The following SORCS2 variants were observed in gnomAD, a reference collection of about 807,000 sequenced individuals.
SORCS2 encodes the protein sortilin related VPS10 domain containing receptor 2, also known as VPS10 domain-containing receptor SorCS2.
A neutral mutation model predicts 141.6 loss-of-function variants in SORCS2; 100 were observed. The observed-to-expected ratio is 0.71, with a 90% CI of 0.60 to 0.83. The LOEUF is 0.83. Among genes scored for constraint, SORCS2 ranks in the 40% least tolerant of loss-of-function variants. SORCS2 has a pLI of 0.00. For missense variants in SORCS2, 1,646 were observed against 1,560.2 expected (o/e 1.05, Z -0.93); for synonymous variants, 789 against 676.9 (o/e 1.17, Z -2.57).
chr4:7,620,898 C>T (rs73794314), intron 3 of SORCS2, among the ~76,000 whole-genome samples: 5,583 of 152,228 alleles, frequency 0.037, 311 homozygotes, highest in African/African-American at 0.13. Context: ...TCCTCGGCCA[C>T]GAGGTCAGCC....
chr4:7,724,088 G>A (rs1166894198), intron 19 of SORCS2, among the ~76,000 whole-genome samples: 1 of 152,048 alleles, frequency 6.6e-6, no homozygotes. Context: ...CTGGTAGCTG[G>A]TGGTGATATT....
At chr4:7,594,521 A>G (rs1228386204) in intron 3 of SORCS2, among the ~76,000 whole-genome samples, 1 of 152,156 alleles carries the variant, frequency 6.6e-6, no homozygotes, top group Non-Finnish European at 1.5e-5. Context: ...TGGGTGTGAG[A>G]TCAGAGATTC....
In SORCS2 at chr4:7,233,895, C is replaced by T. The variant is rs955400491; in HGVS notation, c.480+40769C>T. On this transcript the variant is annotated intron_variant, in intron 1 of 26. Coordinates refer to ENST00000507866, the MANE Select transcript of SORCS2 (RefSeq NM_020777.3). This position sits in a 1 kb window ranked among gnomAD's most constrained non-coding sequence, Gnocchi z 4.5. ...ACACTGTCCTGTCCGCTATCCCATC[C>T]CCTTCTCTGGTCTCAGTTTCCGCAT... 6.6e-6 allele frequency among the ~76,000 whole-genome samples: 1 copy of T among 152,204 alleles called. No individual in the cohort carries two copies. Among genetic ancestry groups the T allele is most frequent in the Non-Finnish European group, 1.5e-5 (1 of 68,044 alleles).
chr4:7,649,358 G>T (rs568443119), intron 4 of SORCS2, among the ~76,000 whole-genome samples: 1 of 151,542 alleles, frequency 6.6e-6, no homozygotes, highest in Admixed American at 6.6e-5. Context: ...ATGGTATCGG[G>T]GGGGCTGTGT....
intron 2 of SORCS2, among the ~76,000 whole-genome samples, chr4:7,508,989 C>T (rs748495979): frequency 1.4e-4 from 21 of 152,318 alleles, no homozygotes; most frequent in Admixed American, 3.3e-4. Flanking sequence ...GTGAACCTCG[C>T]GGAGACTGGG....
intron 12 of SORCS2, 124 bp downstream of exon 12, chr4:7,697,398 C>A: frequency 1.2e-6 from 1 of 846,348 alleles, no homozygotes; most frequent in Non-Finnish European, 1.8e-6. Context: ...AGCCATGTCT[C>A]CCATCTTGCA....
At position 7,247,728 on chromosome 4, in the gene SORCS2, G is replaced by A. The variant is rs911397241; in HGVS notation, c.480+54602G>A. Among the ~76,000 whole-genome samples the A allele has an allele frequency of 3.3e-5, 5 of 152,330 alleles. No homozygotes were observed. The South Asian group carries it at 8.3e-4, about 25-fold the overall frequency. ...GCCTGGGGGACCTGGCGACCCTGGCGAGGGGCCTGCTTCTTTGCTGAGCCC... is the reference window on the plus strand; with the variant it reads ...GCCTGGGGGACCTGGCGACCCTGGCAAGGGGCCTGCTTCTTTGCTGAGCCC... On this transcript the variant is annotated intron_variant, in intron 1 of 26. Transcript: ENST00000507866.
At chr4:7,293,375 T>C (rs1227239932) in intron 1 of SORCS2, among the ~76,000 whole-genome samples, 2 of 152,126 alleles carry the variant, frequency 1.3e-5, no homozygotes, top group Non-Finnish European at 2.9e-5. Context: ...GACTTCTCTC[T>C]TGGCTTCTGT....
At chr4:7,710,760 T>C (rs10019166) in intron 14 of SORCS2, among the ~76,000 whole-genome samples, 78,542 of 152,100 alleles carry the variant, frequency 0.52, 20,300 homozygotes, top group African/African-American at 0.53. Flanking sequence ...GGAAACAGTG[T>C]CTGCAGAAGC....
intron 2 of SORCS2, among the ~76,000 whole-genome samples, chr4:7,409,932 A>G (rs1725196154): frequency 1.3e-5 from 2 of 152,104 alleles, no homozygotes; most frequent in South Asian, 2.1e-4. Context: ...TCTGTCTTTT[A>G]ATGTATAGAA....
chr4:7,549,774 G>A (rs1577733245), intron 3 of SORCS2, among the ~76,000 whole-genome samples: 2 of 152,130 alleles, frequency 1.3e-5, no homozygotes, highest in Non-Finnish European at 2.9e-5. Flanking sequence ...GAATGAGTTC[G>A]AACCCCTTGG....
intron 26 of SORCS2, among the ~76,000 whole-genome samples, chr4:7,739,020 G>A (rs183223503): frequency 2.5e-3 from 378 of 152,300 alleles, no homozygotes; most frequent in Non-Finnish European, 3.5e-3. Flanking sequence ...TTCACGGAGC[G>A]CTCGCTCTGT....
At chr4:7,530,915 T>C (rs1711584766) in intron 2 of SORCS2, among the ~76,000 whole-genome samples, 1 of 152,108 alleles carries the variant, frequency 6.6e-6, no homozygotes, top group African/African-American at 2.4e-5. Flanking sequence ...GCGGGCATAG[T>C]GCTTGGGGTC....
intron 1 of SORCS2, among the ~76,000 whole-genome samples, chr4:7,305,304 C>T (rs377227255): frequency 1.0e-3 from 157 of 151,924 alleles, no homozygotes; most frequent in Middle Eastern, 3.4e-3. Context: ...GTGCTGGGAT[C>T]ACAGGCGTGA....
chr4:7,512,278 T>G (rs1006431978), intron 2 of SORCS2, among the ~76,000 whole-genome samples: 3 of 148,976 alleles, frequency 2.0e-5, no homozygotes, highest in African/African-American at 7.4e-5. Flanking sequence ...AGGGCCAGGC[T>G]CATAATAGCT....
intron 23 of SORCS2, among the ~76,000 whole-genome samples, chr4:7,730,544 T>C (rs1027529060): frequency 6.6e-6 from 1 of 152,198 alleles, no homozygotes; most frequent in Admixed American, 6.5e-5. Context: ...AATGGAATAT[T>C]CTTTGACCAC....
At chr4:7,392,905 G>A (rs35676666) in intron 1 of SORCS2, among the ~76,000 whole-genome samples, 10 of 137,816 alleles carry the variant, frequency 7.3e-5, no homozygotes, top group South Asian at 2.5e-4. Flanking sequence ...AGTCGGGGGG[G>A]GGGGGGTGCT....
At chr4:7,702,314 G>GC (rs1221669191) in intron 12 of SORCS2, among the ~76,000 whole-genome samples, 3 of 152,236 alleles carry the variant, frequency 2.0e-5, no homozygotes, top group African/African-American at 7.2e-5. Flanking sequence ...AGATGGCTGT[G>GC]CCCTTACTGG....
At chr4:7,631,433 T>C (rs1215055482) in intron 3 of SORCS2, among the ~76,000 whole-genome samples, 1 of 151,452 alleles carries the variant, frequency 6.6e-6, no homozygotes, top group Non-Finnish European at 1.5e-5. Context: ...TCTCCCGGTG[T>C]CTGCCCTTGG....
Sources: allele counts gnomAD v4.1 joint callset (sites outside exome capture counted in the v4.1 genomes callset), GRCh38; gene constraint gnomAD v4.1.1; non-coding constraint Gnocchi (gnomAD v3.1); transcripts MANE v1.5; gene names NCBI Gene and HGNC (gene_info 2026-07-23, HGNC 2026-07-21).